Variants in ADARB2 observed in about 807,000 individuals in gnomAD.
ADARB2 encodes inactive double-stranded RNA-specific editase B2.
In ADARB2, 25 loss-of-function variants were observed where a neutral mutation model predicts 62.2. The ratio of observed to expected loss-of-function variants is 0.40; its 90% CI spans 0.29 to 0.56. ADARB2 has a LOEUF of 0.56. ADARB2 is among the 20% of genes least tolerant of loss of function. ADARB2 has a pLI of 0.43. For missense variants in ADARB2, 1,071 were observed against 1,077.4 expected (o/e 0.99, Z 0.08); for synonymous variants, 572 against 500.8 (o/e 1.14, Z -1.90).
chr10:1,394,736 G>A (rs1325648164), intron 1 of ADARB2, among the ~76,000 whole-genome samples: 1 of 152,156 alleles, frequency 6.6e-6, no homozygotes, highest in African/African-American at 2.4e-5. Context: ...AACGTCAAAG[G>A]GTCTGAAGCC....
chr10:1,527,363 G>A (rs1227805627), intron 1 of ADARB2, among the ~76,000 whole-genome samples: 2 of 152,180 alleles, frequency 1.3e-5, no homozygotes, highest in Non-Finnish European at 1.5e-5. Context: ...TCTTTCCTAT[G>A]CCTAGGATTC....
intron 1 of ADARB2, 80 bp downstream of exon 1, chr10:1,736,971 C>G: frequency 6.9e-7 from 1 of 1,442,980 alleles, no homozygotes; most frequent in South Asian, 1.2e-5. Context: ...AACGGACAAG[C>G]CCGGAGACCC....
chr10:1,625,122 A>G (rs1415856811), intron 1 of ADARB2, among the ~76,000 whole-genome samples: 1 of 152,238 alleles, frequency 6.6e-6, no homozygotes, highest in Non-Finnish European at 1.5e-5. Flanking sequence ...CAAGTTGTTC[A>G]GAATTATTGA....
At chr10:1,590,922 G>C (rs934506349) in intron 1 of ADARB2, among the ~76,000 whole-genome samples, 4 of 152,168 alleles carry the variant, frequency 2.6e-5, no homozygotes, top group African/African-American at 4.8e-5. Flanking sequence ...AGTAAAAGGG[G>C]AACTGACCAC....
At chr10:1,210,916 T>A (rs1215825289) in intron 7 of ADARB2, among the ~76,000 whole-genome samples, 1 of 152,080 alleles carries the variant, frequency 6.6e-6, no homozygotes, top group Non-Finnish European at 1.5e-5. Flanking sequence ...AGTCAGCCGG[T>A]GCTTGAAGGC....
chr10:1,323,250 TA>T (rs201803705), intron 3 of ADARB2, among the ~76,000 whole-genome samples: 8,306 of 130,356 alleles, frequency 0.064, 211 homozygotes, highest in South Asian at 0.1. Flanking sequence ...TTTGAAATTG[TA>T]AAAAAAAAAA....
intron 1 of ADARB2, among the ~76,000 whole-genome samples, chr10:1,703,558 T>C (rs939465557): frequency 1.2e-4 from 19 of 152,130 alleles, no homozygotes; most frequent in African/African-American, 4.1e-4. Flanking sequence ...AAGTGAGGTA[T>C]GTGGAGTCAC....
intron 7 of ADARB2, among the ~76,000 whole-genome samples, chr10:1,209,886 C>T (rs1837126434): frequency 6.6e-6 from 1 of 152,208 alleles, no homozygotes; most frequent in Non-Finnish European, 1.5e-5. Flanking sequence ...AAAGGTTTCT[C>T]CACAATGTTT....
Position 1,181,419 on chromosome 10 carries a change from T to C in ADARB2, c.*1774A>G, listed in dbSNP as rs1836674168. 6.6e-6 allele frequency: 1 copy of C among 152,232 alleles called. No individual in the cohort carries two copies. Among genetic ancestry groups the C allele is most frequent in the East Asian group, 1.9e-4 (1 of 5,206 alleles). The allele number at this position is 152,232 out of a possible 1,614,324, so 9.4% of individuals were successfully genotyped here. On this transcript the variant is annotated 3_prime_UTR_variant, in exon 10 of 10. Coordinates refer to ENST00000381312, the MANE Select transcript of ADARB2 (RefSeq NM_018702.4). ...AATGTGAGTCCTTTATTTGAAAAAA[T>C]GTTCTCGTATCTTTTGAAACTTTAT...
At chr10:1,526,228 G>A (rs1832139946) in intron 1 of ADARB2, among the ~76,000 whole-genome samples, 1 of 152,036 alleles carries the variant, frequency 6.6e-6, no homozygotes, top group Non-Finnish European at 1.5e-5. Flanking sequence ...TGGGGTAGGT[G>A]GGGCAGGTGG....
chr10:1,460,878 A>C (rs1831165701), intron 1 of ADARB2, among the ~76,000 whole-genome samples: 1 of 124,558 alleles, frequency 8.0e-6, no homozygotes, highest in Non-Finnish European at 1.7e-5. Context: ...CCTGCCTGTG[A>C]CCTGAGTTTA....
intron 3 of ADARB2, among the ~76,000 whole-genome samples, chr10:1,280,405 G>A (rs1375160767): frequency 6.6e-6 from 1 of 152,172 alleles, no homozygotes; most frequent in Non-Finnish European, 1.5e-5. Context: ...AGAAACATGT[G>A]GACATGCAGG....
At chr10:1,226,114 T>C (rs912441762) in intron 6 of ADARB2, among the ~76,000 whole-genome samples, 36 of 152,346 alleles carry the variant, frequency 2.4e-4, no homozygotes, top group African/African-American at 7.9e-4. Context: ...CATTTCTTTT[T>C]ATTCTTTTTT....
intron 4 of ADARB2, among the ~76,000 whole-genome samples, chr10:1,244,133 A>G (rs1211703617): frequency 6.6e-6 from 1 of 152,212 alleles, no homozygotes; most frequent in African/African-American, 2.4e-5. Context: ...CCAGGATCTA[A>G]GGCTACAGGG....
chr10:1,321,625 T>G (rs1238783513), intron 3 of ADARB2, among the ~76,000 whole-genome samples: 1 of 152,162 alleles, frequency 6.6e-6, no homozygotes, highest in Non-Finnish European at 1.5e-5. Flanking sequence ...CCTTAAACAA[T>G]CCTCTCATCT....
Position 1,363,343 on chromosome 10 carries a change from C to T in ADARB2, c.762G>A (p.Arg254=). The part of the protein sequence containing the change: ...AALLSAAYGR[R]RLLCRALDLV... ...GGTCCAGCGCGCGGCACAGCAGCCG[C>T]CGTCGCCCGTAGGCCGCGGACAGAA... Residue 254 remains arginine, a synonymous_variant, in exon 3 of 10, where the codon CGG becomes CGA. Coordinates refer to ENST00000381312, the MANE Select transcript of ADARB2 (RefSeq NM_018702.4). The T allele has an allele frequency of 2.4e-6, 3 of 1,251,942 alleles. No individual in the cohort carries two copies. The highest frequency in any genetic ancestry group is 2.0e-6 in the Non-Finnish European group (2 of 998,590). 77.6% of individuals were successfully genotyped at this position (1,251,942 alleles called of 1,614,324 possible). A position where few individuals can be genotyped will look rare whatever the true frequency, so the allele number is the denominator to read the frequency against.
chr10:1,725,257 C>T (rs1235995362), intron 1 of ADARB2, among the ~76,000 whole-genome samples: 1 of 152,168 alleles, frequency 6.6e-6, no homozygotes, highest in African/African-American at 2.4e-5. Flanking sequence ...AGTAAAGGGG[C>T]ACGTCCCTGA....
intron 1 of ADARB2, among the ~76,000 whole-genome samples, chr10:1,472,045 G>T (rs1588270139): frequency 6.6e-6 from 1 of 152,322 alleles, no homozygotes; most frequent in South Asian, 2.1e-4. Flanking sequence ...CCTCAGAGGA[G>T]ACCCTAAAGT....
rs149135677 is a variant in ADARB2 at position 1,673,378 on chromosome 10, C to T, written c.100+63673G>A. 7.8e-4 allele frequency among the ~76,000 whole-genome samples: 117 copies of T among 149,352 alleles called. 1 individual carries two copies. The highest frequency in any genetic ancestry group is 1.7e-3 in the South Asian group (8 of 4,712). On this transcript the variant is annotated intron_variant, in intron 1 of 9. Transcript: ENST00000381312. ...TATTTAGAGGCACTTTGTAAGTGGG[C>T]AACTTATGGTCAAAGTCTGGGACTT...
Sources: gnomAD v4.1 joint callset for allele counts (sites outside exome capture counted in the v4.1 genomes callset) on GRCh38, gnomAD v4.1.1 for gene constraint, MANE v1.5 for transcripts, NCBI Gene and HGNC (gene_info 2026-07-23, HGNC 2026-07-21) for gene names.